Variants in IGSF21 observed in about 807,000 individuals in gnomAD.
IGSF21 encodes the protein immunoglobin superfamily member 21.
A neutral mutation model predicts 46.8 loss-of-function variants in IGSF21; 28 were observed. The ratio of observed to expected loss-of-function variants is 0.60; its 90% CI spans 0.44 to 0.82. IGSF21 has a LOEUF of 0.82. Ranked by LOEUF, IGSF21 falls within the 40% of genes least tolerant of loss-of-function variation. IGSF21 has a pLI of 0.00. For missense variants in IGSF21, 624 were observed against 665.5 expected, an observed-to-expected ratio of 0.94 and a Z score of 0.69; for synonymous variants, 284 against 273.6, an observed-to-expected ratio of 1.04 and a Z score of -0.38.
intron 2 of IGSF21, among the ~76,000 whole-genome samples, chr1:18,244,261 ACT>A (rs2084762049): frequency 6.6e-6 from 1 of 152,184 alleles, no homozygotes; most frequent in Non-Finnish European, 1.5e-5. Context: ...TTAAGCTACA[ACT>A]CTGGGCAATG....
At chr1:18,197,007 C>T (rs1006170813) in intron 1 of IGSF21, among the ~76,000 whole-genome samples, 5 of 152,162 alleles carry the variant, frequency 3.3e-5, no homozygotes, top group African/African-American at 1.2e-4. Context: ...CTAATCGGCC[C>T]GGCTGCTGAT....
chr1:18,116,751 A>G (rs563334128), intron 1 of IGSF21, among the ~76,000 whole-genome samples: 46 of 152,348 alleles, frequency 3.0e-4, no homozygotes, highest in East Asian at 1.4e-3. Flanking sequence ...AATGGCCAAT[A>G]CAGGGCTTGA....
chr1:18,224,797 G>T (rs980009585), intron 1 of IGSF21, among the ~76,000 whole-genome samples: 3 of 152,050 alleles, frequency 2.0e-5, no homozygotes, highest in Non-Finnish European at 4.4e-5. Flanking sequence ...AGACATGGTG[G>T]CTCATGCCTG....
intron 5 of IGSF21, among the ~76,000 whole-genome samples, chr1:18,363,167 C>A (rs143268790): frequency 6.6e-6 from 1 of 152,166 alleles, no homozygotes; most frequent in Non-Finnish European, 1.5e-5. Flanking sequence ...GGCTACGTAC[C>A]CTTTCAATTT....
chr1:18,357,691 T>G (rs1739103), intron 4 of IGSF21, among the ~76,000 whole-genome samples: 152,187 of 152,190 alleles, frequency 1, 76,092 homozygotes, highest in Non-Finnish European at 1. Context: ...TAATAGTGAC[T>G]AGAAGAGTGA....
In IGSF21 at chr1:18,221,723, C is replaced by T. The variant is rs1166762015; in HGVS notation, c.71-6175C>T. On this transcript the variant is annotated intron_variant, in intron 1 of 9. Transcript: ENST00000251296. The stretch of plus-strand genomic sequence containing the variant: ...TCCACTCCTGATCCACTTCTCGATA[C>T]CGCGCTTAGTGGGGCTCACACATCG... Among the ~76,000 whole-genome samples the T allele has an allele frequency of 2.6e-5, 4 of 152,152 alleles. No homozygotes were observed. In the East Asian group the frequency reaches 7.7e-4, roughly 29 times the overall value.
At chr1:18,110,367 C>CGCCGGG (rs1219661107) in intron 1 of IGSF21, 2 of 152,458 alleles carry the variant, frequency 1.3e-5, no homozygotes, top group Non-Finnish European at 2.9e-5. Context: ...GAGAAGAGTC[C>CGCCGGG]GTGAGAGACG....
intron 1 of IGSF21, among the ~76,000 whole-genome samples, chr1:18,194,287 C>G (rs2086985880): frequency 6.6e-6 from 1 of 152,206 alleles, no homozygotes; most frequent in Non-Finnish European, 1.5e-5. Flanking sequence ...TGTGCAGGCT[C>G]TGTGCTGACC....
chr1:18,254,951 CA>C (rs2084876847), intron 2 of IGSF21, among the ~76,000 whole-genome samples: 1 of 152,218 alleles, frequency 6.6e-6, no homozygotes, highest in African/African-American at 2.4e-5. Context: ...ACTGGGCCCT[CA>C]GCACTGTGGG....
At chr1:18,161,016 G>A (rs1313834402) in intron 1 of IGSF21, among the ~76,000 whole-genome samples, 2 of 152,152 alleles carry the variant, frequency 1.3e-5, no homozygotes, top group Non-Finnish European at 2.9e-5. Context: ...CAACTGTAGA[G>A]CTTTAGGCCT....
chr1:18,321,181 T>C (rs1307882727), intron 3 of IGSF21, among the ~76,000 whole-genome samples: 2 of 152,182 alleles, frequency 1.3e-5, no homozygotes, highest in Admixed American at 6.5e-5. Context: ...AGGGAAAACA[T>C]GGTCCCTGCA....
chr1:18,169,312 G>A (rs1206420514), intron 1 of IGSF21, among the ~76,000 whole-genome samples: 4 of 152,194 alleles, frequency 2.6e-5, no homozygotes, highest in African/African-American at 9.6e-5. Context: ...AGGGAACTGG[G>A]AAGTGGGGCC....
intron 2 of IGSF21, among the ~76,000 whole-genome samples, chr1:18,271,041 G>C (rs2085037893): frequency 6.6e-6 from 1 of 152,214 alleles, no homozygotes; most frequent in Non-Finnish European, 1.5e-5. Context: ...CCCAAGAGAA[G>C]CTGAAATATT....
At position 18,378,337 on chromosome 1, in the gene IGSF21, C is replaced by G; in HGVS notation, c.*11C>G. ...CTGGAGCTGACGTGAAGGCACCCGC[C>G]CCGGCCACTCCATCAGGCACTGACA... On this transcript the variant is annotated 3_prime_UTR_variant, in exon 10 of 10. Transcript: ENST00000251296. The G allele has an allele frequency of 6.2e-7, 1 of 1,611,572 alleles. No individual in the cohort carries two copies. Among genetic ancestry groups the G allele is most frequent in the Non-Finnish European group, 8.5e-7 (1 of 1,178,078 alleles).
intron 1 of IGSF21, among the ~76,000 whole-genome samples, chr1:18,122,028 C>T (rs994238912): frequency 5.3e-5 from 8 of 152,130 alleles, no homozygotes; most frequent in South Asian, 2.1e-4. Flanking sequence ...TTTGCCTGGG[C>T]GGTAGGGGTA....
intron 3 of IGSF21, among the ~76,000 whole-genome samples, chr1:18,326,358 G>A (rs984556880): frequency 6.6e-6 from 1 of 152,198 alleles, no homozygotes; most frequent in African/African-American, 2.4e-5. Flanking sequence ...GATCTTTCCA[G>A]CAGGAATGAG....
chr1:18,198,236 C>A (rs2087029069), intron 1 of IGSF21, among the ~76,000 whole-genome samples: 1 of 152,120 alleles, frequency 6.6e-6, no homozygotes, highest in Non-Finnish European at 1.5e-5. Flanking sequence ...GAGTAAGAGC[C>A]CACTGGAGAT....
intron 4 of IGSF21, 146 bp from the exon 5 acceptor site, chr1:18,361,969 C>A (rs1326331210): frequency 1.6e-6 from 1 of 614,660 alleles, no homozygotes. Flanking sequence ...GTAGTGGATA[C>A]CAATGGCACC....
intron 2 of IGSF21, among the ~76,000 whole-genome samples, chr1:18,262,905 C>G (rs1176415131): frequency 6.6e-6 from 1 of 152,186 alleles, no homozygotes; most frequent in Non-Finnish European, 1.5e-5. Context: ...TGCAACTGCA[C>G]ACTGAATGCC....
Sources: gnomAD v4.1 joint callset for allele counts (sites outside exome capture counted in the v4.1 genomes callset) on GRCh38, gnomAD v4.1.1 for gene constraint, MANE v1.5 for transcripts, NCBI Gene and HGNC (gene_info 2026-07-23, HGNC 2026-07-21) for gene names.